Variants in COPS7A observed in about 807,000 individuals in gnomAD.
COPS7A encodes COP9 signalosome subunit 7A, also known as COP9 signalosome complex subunit 7a.
In COPS7A, 20 loss-of-function variants were observed where a neutral mutation model predicts 35.2. The ratio of observed to expected loss-of-function variants is 0.57; its 90% CI spans 0.40 to 0.83. COPS7A has a LOEUF of 0.83. COPS7A is among the 40% of genes least tolerant of loss of function. COPS7A has a pLI of 0.00. For synonymous variants in COPS7A, 139 were observed against 141.4 expected (o/e 0.98, Z 0.12); for missense variants, 247 against 347.5 (o/e 0.71, Z 2.30).
rs9478 is a variant in COPS7A, at chr12:6,731,522, C to T, written c.*483C>T. 0.11 allele frequency: 22,971 copies of T among 215,024 alleles called. 1,708 individuals are homozygous for T. The highest frequency in any genetic ancestry group is 0.23 in the African/African-American group (9,970 of 43,776). 13.3% of individuals were successfully genotyped at this position (215,024 alleles called of 1,614,324 possible). On this transcript the variant is annotated 3_prime_UTR_variant, in exon 8 of 8. Transcript: ENST00000543155. ...CTCACACCCTGAGAATTCTGGGAGC[C>T]AGTCTGCCATGCCAGGAGTCACTGG... is the stretch of plus-strand genomic sequence containing the variant.
Position 6,729,146 on chromosome 12 carries a change from G to C in COPS7A, c.328-101G>C, listed in dbSNP as rs538326140. ...GAAGTGATTTAGGAATGGGAGTGGA[G>C]GGCAGGTGGGCTAGGGCAGGGGGAA... On this transcript the variant is annotated intron_variant, in intron 4 of 7. Transcript: ENST00000543155. This position sits in a 1 kb window ranked among gnomAD's most constrained non-coding sequence, Gnocchi z 4.2. The C allele has an allele frequency of 9.0e-5, 102 of 1,138,582 alleles. No homozygotes were observed. The African/African-American group carries it at 1.5e-3, about 16-fold the overall frequency. The allele number at this position is 1,138,582 out of a possible 1,614,324, so 70.5% of individuals were successfully genotyped here.
At chr12:6,725,382 C>T (rs1436208107) in intron 2 of COPS7A, among the ~76,000 whole-genome samples, 4 of 152,116 alleles carry the variant, frequency 2.6e-5, no homozygotes, top group Non-Finnish European at 5.9e-5. Context: ...TGATCTCGAT[C>T]TCCTGACCTC....
rs146030026 is a variant in COPS7A at position 6,730,452 on chromosome 12, G to A, written c.581G>A (p.Arg194His). ...VLSGIEEQVS[R>H]ANQHKEQQLG... ...TCAGGCATTGAGGAGCAGGTGAGCC[G>A]TGCCAACCAACACAAGGAGCAGCAG... Residue 194 changes from arginine to histidine, a missense_variant, in exon 6 of 8, where the codon CGT (arginine) becomes CAT (histidine). By Grantham distance (29) the Arg-to-His change is conservative. Coordinates refer to ENST00000543155, the MANE Select transcript of COPS7A (RefSeq NM_001164094.2). 6.8e-6 allele frequency: 11 copies of A among 1,614,136 alleles called. No individual in the cohort carries two copies. The highest frequency in any genetic ancestry group is 2.2e-5 in the South Asian group (2 of 91,084).
chr12:6,725,309 A>G (rs1242062183), intron 2 of COPS7A, among the ~76,000 whole-genome samples: 2 of 152,026 alleles, frequency 1.3e-5, no homozygotes, highest in East Asian at 3.9e-4. Context: ...GGCGCCCGCC[A>G]CCATGCCCGG....
Position 6,731,119 on chromosome 12 carries a change from TG to T in COPS7A, c.*81del, listed in dbSNP as rs2137761288. 6.2e-7 allele frequency: 1 copy of T among 1,613,266 alleles called. No homozygotes were observed. Among genetic ancestry groups the T allele is most frequent in the African/African-American group, 1.3e-5 (1 of 75,010 alleles). On this transcript the variant is annotated 3_prime_UTR_variant, in exon 8 of 8. Transcript: ENST00000543155. ...TTAGGAGTCCTCAGAGAGCCTTCTG[TG>T]CCCCTGGCCAGCTGATAATCCTAGG...
chr12:6,731,163 C>A lies in COPS7A; in HGVS notation c.*124C>A. ...ATCCTAGGTTCATGACCCTTCACCTCCCCTAACCCCAAACATAGATCACAC... is the reference window on the plus strand; with the variant it reads ...ATCCTAGGTTCATGACCCTTCACCTACCCTAACCCCAAACATAGATCACAC... On this transcript the variant is annotated 3_prime_UTR_variant, in exon 8 of 8. Coordinates refer to ENST00000543155, the MANE Select transcript of COPS7A (RefSeq NM_001164094.2). 1 of 1,583,824 alleles carries A rather than the reference C, an allele frequency of 6.3e-7. No individual in the cohort carries two copies. Among genetic ancestry groups the A allele is most frequent in the Non-Finnish European group, 8.6e-7 (1 of 1,163,320 alleles).
At position 6,730,492 on chromosome 12, in the gene COPS7A, G is replaced by A; in HGVS notation, c.621G>A (p.Gln207=). The A allele has an allele frequency of 3.1e-6, 5 of 1,614,174 alleles. No individual in the cohort carries two copies. Among genetic ancestry groups the A allele is most frequent in the Non-Finnish European group, 4.2e-6 (5 of 1,180,040 alleles). Residue 207 remains glutamine (Q), a synonymous_variant, in exon 6 of 8, where the codon CAG becomes CAA. Coordinates refer to ENST00000543155, the MANE Select transcript of COPS7A (RefSeq NM_001164094.2). ...QHKEQQLGLK[Q]QIESEVANLK... Reference sequence around the variant, plus strand: ...AGGAGCAGCAGCTGGGCCTGAAGCAGCAGATTGAGAGTGAGGTGAGCAGTC... The same window carrying A: ...AGGAGCAGCAGCTGGGCCTGAAGCAACAGATTGAGAGTGAGGTGAGCAGTC...
chr12:6,724,898 T>C (rs1374341840), intron 2 of COPS7A, 80 bp downstream of exon 2: 1 of 1,450,086 alleles, frequency 6.9e-7, no homozygotes, highest in Non-Finnish European at 9.6e-7. Flanking sequence ...GGGCTCATTT[T>C]GTGATCCAAT....
intron 2 of COPS7A, among the ~76,000 whole-genome samples, chr12:6,725,186 T>G (rs886927931): frequency 6.6e-6 from 1 of 150,948 alleles, no homozygotes; most frequent in Non-Finnish European, 1.5e-5. Flanking sequence ...AGACGGAGTC[T>G]TGCTCTGTCA....
intron 4 of COPS7A, chr12:6,728,981 ATTT>A: frequency 2.1e-6 from 1 of 474,464 alleles, no homozygotes. Flanking sequence ...GGCAGATGTC[ATTT>A]TCTCCTTCTG....
Position 6,729,078 on chromosome 12 carries a change from G to C in COPS7A, c.328-169G>C. On this transcript the variant is annotated intron_variant, in intron 4 of 7. Coordinates refer to ENST00000543155, the MANE Select transcript of COPS7A (RefSeq NM_001164094.2). The surrounding 1 kb of genome is among the most constrained non-coding windows in gnomAD (Gnocchi z 4.2). Reference sequence around the variant, plus strand: ...TTCTAATGATGCTGTTTTTGAAGTGGGAATACTTTTATTTATTTTGCTTTA... The same window carrying C: ...TTCTAATGATGCTGTTTTTGAAGTGCGAATACTTTTATTTATTTTGCTTTA... The C allele has an allele frequency of 1.6e-6, 1 of 626,092 alleles. No homozygotes were observed. The highest frequency in any genetic ancestry group is 2.8e-6 in the Non-Finnish European group (1 of 356,710). The allele number at this position is 626,092 out of a possible 1,614,324, so 38.8% of individuals were successfully genotyped here.
intron 2 of COPS7A, chr12:6,725,859 C>T (rs768727327): frequency 6.6e-6 from 3 of 455,984 alleles, no homozygotes; most frequent in African/African-American, 2.0e-5. Flanking sequence ...CTGCTTTCAT[C>T]TGCAGTGGAA....
chr12:6,725,389 C>T (rs1463039093), intron 2 of COPS7A, among the ~76,000 whole-genome samples: 1 of 152,040 alleles, frequency 6.6e-6, no homozygotes, highest in Non-Finnish European at 1.5e-5. Context: ...GATCTCCTGA[C>T]CTCGTGATCC....
At chr12:6,724,932 C>G in intron 2 of COPS7A, 114 bp downstream of exon 2, 2 of 1,161,146 alleles carry the variant, frequency 1.7e-6, no homozygotes, top group Non-Finnish European at 2.5e-6. Context: ...AACAAGAAAA[C>G]AGTGATAATT....
At position 6,729,271 on chromosome 12, in the gene COPS7A, G is replaced by A. The variant is rs766236035; in HGVS notation, c.352G>A (p.Glu118Lys). The A allele has an allele frequency of 1.2e-6, 2 of 1,614,154 alleles. No homozygotes were observed. The highest frequency in any genetic ancestry group is 1.7e-6 in the Non-Finnish European group (2 of 1,180,042). ...VKCIPYAVLL[E>K]ALALRNVRQL... is the part of the protein sequence containing the mutation. ...GTGTATCCCATATGCAGTGTTGCTG[G>A]AGGCTCTTGCCCTGCGTAATGTGCG... The change falls in exon 5 of 8, where the codon GAG becomes AAG. Residue 118 changes from glutamate to lysine, a missense_variant. By Grantham distance (56) the Glu-to-Lys change is moderately conservative (BLOSUM62 1). Coordinates refer to ENST00000543155, the MANE Select transcript of COPS7A (RefSeq NM_001164094.2). The surrounding 1 kb of genome is among the most constrained non-coding windows in gnomAD (Gnocchi z 4.2).
At chr12:6,728,370 TC>T in intron 4 of COPS7A, 59 bp downstream of exon 4, 1 of 1,438,612 alleles carries the variant, frequency 7.0e-7, no homozygotes, top group Non-Finnish European at 9.7e-7. Flanking sequence ...TCCTTGGGAG[TC>T]CACACTAGGA....
chr12:6,729,278 T>C lies in COPS7A; in HGVS notation c.359T>C (p.Leu120Pro), dbSNP rs759297834. 8 of 1,614,170 alleles carry C rather than the reference T, an allele frequency of 5.0e-6. No individual in the cohort carries two copies. The highest frequency in any genetic ancestry group is 8.5e-7 in the Non-Finnish European group (1 of 1,180,038). The change falls in exon 5 of 8, where the codon CTT becomes CCT. Residue 120 changes from leucine to proline, a missense_variant. Physicochemically the swap from Leu to Pro is moderately conservative, Grantham distance 98. Coordinates refer to ENST00000543155, the MANE Select transcript of COPS7A (RefSeq NM_001164094.2). This position sits in a 1 kb window ranked among gnomAD's most constrained non-coding sequence, Gnocchi z 4.2. ...CIPYAVLLEA[L>P]ALRNVRQLED... is the part of the protein sequence containing the mutation. Reference sequence around the variant, plus strand: ...CCATATGCAGTGTTGCTGGAGGCTCTTGCCCTGCGTAATGTGCGGCAGCTG... The same window carrying C: ...CCATATGCAGTGTTGCTGGAGGCTCCTGCCCTGCGTAATGTGCGGCAGCTG...
At chr12:6,725,954 G>C (rs1178193609) in intron 2 of COPS7A, 2 of 454,598 alleles carry the variant, frequency 4.4e-6, no homozygotes, top group Admixed American at 2.4e-5. Context: ...ACTTTGGAAG[G>C]CCAAGGCAGG....
At chr12:6,724,373 C>G in intron 1 of COPS7A, 194 bp downstream of exon 1, 1 of 513,432 alleles carries the variant, frequency 1.9e-6, no homozygotes, top group African/African-American at 2.1e-5. Flanking sequence ...CATCCTGTGT[C>G]TTGGGGTTCA....
Sources: allele counts gnomAD v4.1 joint callset (sites outside exome capture counted in the v4.1 genomes callset), GRCh38; gene constraint gnomAD v4.1.1; non-coding constraint Gnocchi (gnomAD v3.1); transcripts MANE v1.5; gene names NCBI Gene and HGNC (gene_info 2026-07-23, HGNC 2026-07-21).